The following CCDC60 variants were observed in gnomAD, a reference collection of about 807,000 sequenced individuals.
CCDC60 encodes the protein coiled-coil domain-containing protein 60.
A neutral mutation model predicts 63.5 loss-of-function variants in CCDC60; 54 were observed. The observed-to-expected ratio is 0.85, with a 90% CI of 0.68 to 1.07. CCDC60 has a LOEUF of 1.07. Among genes scored for constraint, CCDC60 ranks in the 50% least tolerant of loss-of-function variants. The pLI, the probability that CCDC60 is intolerant of heterozygous loss-of-function variation, is 0.00. For synonymous variants in CCDC60, 206 were observed against 238.8 expected, an observed-to-expected ratio of 0.86 and a Z score of 1.27; for missense variants, 651 against 684.3, an observed-to-expected ratio of 0.95 and a Z score of 0.54.
chr12:119,507,570 GTA>G (rs1952061807), intron 7 of CCDC60, among the ~76,000 whole-genome samples: 1 of 45,782 alleles, frequency 2.2e-5, no homozygotes, highest in Non-Finnish European at 3.6e-5. Context: ...ATATATATAT[GTA>G]TATATACACA....
intron 5 of CCDC60, among the ~76,000 whole-genome samples, chr12:119,495,208 G>C (rs1012963464): frequency 6.6e-6 from 1 of 152,082 alleles, no homozygotes; most frequent in African/African-American, 2.4e-5. Context: ...GCAAAGTATG[G>C]GTGCTTCACC....
chr12:119,461,967 C>T (rs1466103927), intron 2 of CCDC60, among the ~76,000 whole-genome samples: 3 of 152,180 alleles, frequency 2.0e-5, no homozygotes, highest in East Asian at 1.9e-4. Context: ...CATCCTGCAG[C>T]CTGAAGTTCC....
chr12:119,348,859 G>C (rs1266523482), intron 1 of CCDC60, among the ~76,000 whole-genome samples: 1 of 152,102 alleles, frequency 6.6e-6, no homozygotes, highest in Admixed American at 6.6e-5. Context: ...TTCTCCATGA[G>C]GTTAAAAATT....
intron 1 of CCDC60, among the ~76,000 whole-genome samples, chr12:119,360,228 A>G (rs1955764399): frequency 7.0e-6 from 1 of 142,340 alleles, no homozygotes; most frequent in Non-Finnish European, 1.5e-5. Context: ...CTCACTTCCC[A>G]GTAGGGGCGG....
At chr12:119,475,334 A>T (rs192393815) in intron 3 of CCDC60, among the ~76,000 whole-genome samples, 3 of 152,266 alleles carry the variant, frequency 2.0e-5, no homozygotes, top group Admixed American at 2.0e-4. Context: ...GTCTTGTTCC[A>T]CTTGTTTGGA....
intron 1 of CCDC60, among the ~76,000 whole-genome samples, chr12:119,423,475 C>G (rs574387233): frequency 1.3e-5 from 2 of 152,154 alleles, no homozygotes; most frequent in Non-Finnish European, 2.9e-5. Context: ...AGCTGGCTTC[C>G]AAGTAGGTTC....
At chr12:119,350,141 C>G (rs1955640396) in intron 1 of CCDC60, among the ~76,000 whole-genome samples, 1 of 152,036 alleles carries the variant, frequency 6.6e-6, no homozygotes, top group South Asian at 2.1e-4. Flanking sequence ...TATCTTGAAC[C>G]AGGGAGATCC....
At chr12:119,527,975 CAG>C (rs1434797607) in intron 11 of CCDC60, among the ~76,000 whole-genome samples, 1 of 151,874 alleles carries the variant, frequency 6.6e-6, no homozygotes, top group African/African-American at 2.4e-5. Context: ...CCCGGCATCT[CAG>C]AGACTTTGAT....
intron 13 of CCDC60, among the ~76,000 whole-genome samples, chr12:119,536,583 T>C (rs1285932797): frequency 6.6e-6 from 1 of 152,226 alleles, no homozygotes; most frequent in Non-Finnish European, 1.5e-5. Context: ...TAGTGCTTCC[T>C]TCAGGCACTG....
At chr12:119,469,528 G>A (rs1384752777) in intron 2 of CCDC60, among the ~76,000 whole-genome samples, 2 of 152,158 alleles carry the variant, frequency 1.3e-5, no homozygotes, top group Non-Finnish European at 2.9e-5. Flanking sequence ...CCAAAGTGCT[G>A]AGATTATAGG....
At chr12:119,505,785 G>A (rs1951982205) in intron 7 of CCDC60, among the ~76,000 whole-genome samples, 2 of 152,176 alleles carry the variant, frequency 1.3e-5, no homozygotes, top group East Asian at 3.9e-4. Context: ...TAACCTGGGA[G>A]GCGAGGTTGC....
intron 1 of CCDC60, among the ~76,000 whole-genome samples, chr12:119,352,046 T>C (rs969237499): frequency 2.6e-5 from 4 of 152,078 alleles, no homozygotes; most frequent in African/African-American, 4.8e-5. Flanking sequence ...GGAAGCACAG[T>C]TGGGGAGGCC....
intron 1 of CCDC60, among the ~76,000 whole-genome samples, chr12:119,340,624 C>A (rs938343146): frequency 6.6e-6 from 1 of 151,898 alleles, no homozygotes; most frequent in Non-Finnish European, 1.5e-5. Context: ...TGCCTGGAGT[C>A]GGAAAAGGAG....
At chr12:119,487,903 G>A (rs909166451) in intron 4 of CCDC60, among the ~76,000 whole-genome samples, 12 of 152,156 alleles carry the variant, frequency 7.9e-5, no homozygotes, top group African/African-American at 2.9e-4. Flanking sequence ...ATGCAGTGGT[G>A]TGACCTTGGC....
At chr12:119,389,333 C>T (rs1956115080) in intron 1 of CCDC60, among the ~76,000 whole-genome samples, 1 of 152,172 alleles carries the variant, frequency 6.6e-6, no homozygotes, top group Admixed American at 6.5e-5. Context: ...ACAGCCACGC[C>T]CATTTCTTTA....
intron 5 of CCDC60, among the ~76,000 whole-genome samples, chr12:119,492,597 C>T (rs1951617558): frequency 6.6e-6 from 1 of 152,194 alleles, no homozygotes; most frequent in Admixed American, 6.5e-5. Context: ...TCTTCAAGTG[C>T]ATTTTTTTAA....
At chr12:119,469,340 T>C (rs1196223018) in intron 2 of CCDC60, among the ~76,000 whole-genome samples, 1 of 152,140 alleles carries the variant, frequency 6.6e-6, no homozygotes, top group African/African-American at 2.4e-5. Context: ...TCCGCCTCCT[T>C]GCAAACTCCG....
chr12:119,355,352 CCTT>C (rs111438396), intron 1 of CCDC60, among the ~76,000 whole-genome samples: 1,741 of 152,332 alleles, frequency 0.011, 30 homozygotes, highest in African/African-American at 0.04. Context: ...CTAACTCTCT[CCTT>C]GTTTTCTTCC....
intron 1 of CCDC60, among the ~76,000 whole-genome samples, chr12:119,424,575 G>C (rs1362230388): frequency 2.6e-5 from 4 of 152,142 alleles, no homozygotes; most frequent in African/African-American, 9.7e-5. Flanking sequence ...TGTCTAAATT[G>C]CCCTCTAGAA....
Sources: allele counts gnomAD v4.1 joint callset (sites outside exome capture counted in the v4.1 genomes callset), GRCh38; gene constraint gnomAD v4.1.1; transcripts MANE v1.5; gene names NCBI Gene and HGNC (gene_info 2026-07-23, HGNC 2026-07-21).